MGMT: variants seen among roughly 807,000 people sequenced by gnomAD.
MGMT encodes O-6-methylguanine-DNA methyltransferase.
In MGMT, 14 loss-of-function variants were observed where a neutral mutation model predicts 15.9. That is an observed-to-expected ratio of 0.88 (90% confidence interval 0.58 to 1.37). MGMT has a LOEUF of 1.37. Among genes scored for constraint, MGMT ranks in the 40% most tolerant of loss-of-function variants. The pLI is 0.00. For missense variants in MGMT, 282 were observed against 268.1 expected (o/e 1.05, Z -0.36); for synonymous variants, 130 against 118.2 (o/e 1.10, Z -0.65).
chr10:129,608,628 C>T (rs1032266909), intron 2 of MGMT, among the ~76,000 whole-genome samples: 5 of 152,206 alleles, frequency 3.3e-5, no homozygotes, highest in African/African-American at 7.2e-5. Context: ...ATACGCTCTT[C>T]GATTTAGTTT....
At chr10:129,716,928 C>T (rs1848305716) in intron 3 of MGMT, among the ~76,000 whole-genome samples, 1 of 152,136 alleles carries the variant, frequency 6.6e-6, no homozygotes, top group Admixed American at 6.5e-5. Flanking sequence ...TTTTAATATT[C>T]AACTGAGCAT....
chr10:129,561,877 A>G (rs1307635900), intron 2 of MGMT, among the ~76,000 whole-genome samples: 1 of 152,180 alleles, frequency 6.6e-6, no homozygotes, highest in Non-Finnish European at 1.5e-5. Context: ...CTTGTAAATG[A>G]TTTGTTGTTA....
At chr10:129,467,428 C>T (rs1845181250) in intron 1 of MGMT, 132 bp downstream of exon 1, 1 of 1,367,406 alleles carries the variant, frequency 7.3e-7, no homozygotes, top group South Asian at 1.7e-5. Context: ...CCACCCATCC[C>T]GGGCGAGCTC....
In MGMT at chr10:129,487,204, GCCCT is replaced by G. The variant is rs879298194; in HGVS notation, c.-13+19909_-13+19912del. 3.3e-3 allele frequency among the ~76,000 whole-genome samples: 502 copies of G among 152,174 alleles called. 4 individuals are homozygous for G. Among genetic ancestry groups the G allele is most frequent in the South Asian group, 0.011 (51 of 4,810 alleles). On this transcript the variant is annotated intron_variant, in intron 1 of 4. Coordinates refer to ENST00000651593, the MANE Select transcript of MGMT (RefSeq NM_002412.5). ...GACCTGCAGGTGGCTTGGATGGTTTGCCCTGCTCTCATGGGGGTCCACATGAGCA... is the reference window on the plus strand; with the variant it reads ...GACCTGCAGGTGGCTTGGATGGTTTGGCTCTCATGGGGGTCCACATGAGCA...
chr10:129,577,728 C>A (rs1846501902), intron 2 of MGMT, among the ~76,000 whole-genome samples: 1 of 152,152 alleles, frequency 6.6e-6, no homozygotes, highest in Non-Finnish European at 1.5e-5. Flanking sequence ...GCAAAAGAAA[C>A]CACCATCAGA....
At chr10:129,562,253 G>A (rs190601381) in intron 2 of MGMT, among the ~76,000 whole-genome samples, 1 of 152,326 alleles carries the variant, frequency 6.6e-6, no homozygotes, top group East Asian at 1.9e-4. Flanking sequence ...TCTCTTGATA[G>A]AGCGTTGAAA....
chr10:129,607,048 C>T (rs1211375998), intron 2 of MGMT, among the ~76,000 whole-genome samples: 1 of 152,136 alleles, frequency 6.6e-6, no homozygotes, highest in Non-Finnish European at 1.5e-5. Context: ...CCTATGGTAG[C>T]TTCACAAGAG....
chr10:129,534,106 TACAG>T (rs1219702153), intron 1 of MGMT, among the ~76,000 whole-genome samples: 1 of 152,170 alleles, frequency 6.6e-6, no homozygotes, highest in Non-Finnish European at 1.5e-5. Flanking sequence ...TGATTTATCC[TACAG>T]ACAAAGACAG....
intron 1 of MGMT, among the ~76,000 whole-genome samples, chr10:129,498,113 T>C (rs966457196): frequency 6.6e-6 from 1 of 152,242 alleles, no homozygotes; most frequent in African/African-American, 2.4e-5. Flanking sequence ...TTGGGTTTGC[T>C]GATGTTGTCT....
chr10:129,529,372 G>A (rs932188029), intron 1 of MGMT, among the ~76,000 whole-genome samples: 1 of 152,104 alleles, frequency 6.6e-6, no homozygotes, highest in Non-Finnish European at 1.5e-5. Flanking sequence ...TTCCACCTCA[G>A]ATCACCAGGC....
intron 2 of MGMT, chr10:129,537,102 G>A (rs747765056): frequency 3.3e-5 from 5 of 151,062 alleles, no homozygotes; most frequent in Non-Finnish European, 5.9e-5. Flanking sequence ...AATTTCCTCC[G>A]TTCATTCTAT....
At chr10:129,757,045 T>C (rs1408174373) in intron 3 of MGMT, among the ~76,000 whole-genome samples, 10 of 152,218 alleles carry the variant, frequency 6.6e-5, no homozygotes, top group Non-Finnish European at 1.5e-5. Flanking sequence ...CTGCATTCGT[T>C]CGCTGCAGGG....
chr10:129,485,393 C>T (rs1210115621), intron 1 of MGMT, among the ~76,000 whole-genome samples: 2 of 152,334 alleles, frequency 1.3e-5, no homozygotes, highest in African/African-American at 2.4e-5. Context: ...TGCATCCAGC[C>T]GTTCTCTGGC....
chr10:129,636,561 A>T (rs1847267191), intron 2 of MGMT, among the ~76,000 whole-genome samples: 1 of 152,302 alleles, frequency 6.6e-6, no homozygotes, highest in African/African-American at 2.4e-5. Context: ...CCTTTAATAC[A>T]GTTTTGAATA....
intron 2 of MGMT, among the ~76,000 whole-genome samples, chr10:129,562,970 C>T (rs1364602331): frequency 6.6e-6 from 1 of 152,148 alleles, no homozygotes; most frequent in Non-Finnish European, 1.5e-5. Flanking sequence ...ACCACAAGTG[C>T]CCGTGCCACC....
At chr10:129,631,428 TTTACA>T (rs1380382927) in intron 2 of MGMT, among the ~76,000 whole-genome samples, 3 of 152,250 alleles carry the variant, frequency 2.0e-5, no homozygotes, top group Non-Finnish European at 4.4e-5. Context: ...TTCAGGGTTG[TTTACA>T]TTAATAACAA....
chr10:129,666,222 T>C (rs529039241), intron 2 of MGMT, among the ~76,000 whole-genome samples: 98 of 152,332 alleles, frequency 6.4e-4, no homozygotes, highest in African/African-American at 2.3e-3. Flanking sequence ...TTTAACTATT[T>C]CAGTGTTCTA....
At chr10:129,687,851 C>T (rs188304073) in intron 2 of MGMT, among the ~76,000 whole-genome samples, 2,408 of 152,064 alleles carry the variant, frequency 0.016, 35 homozygotes, top group Middle Eastern at 0.024. Context: ...TCCCCCAGCC[C>T]CCCACCCCAC....
At chr10:129,599,486 C>T (rs1846791970) in intron 2 of MGMT, among the ~76,000 whole-genome samples, 1 of 152,206 alleles carries the variant, frequency 6.6e-6, no homozygotes, top group Non-Finnish European at 1.5e-5. Flanking sequence ...TTGTCTTGCG[C>T]ATTTATCATC....
Sources: gnomAD v4.1 joint callset for allele counts (sites outside exome capture counted in the v4.1 genomes callset) on GRCh38, gnomAD v4.1.1 for gene constraint, MANE v1.5 for transcripts, NCBI Gene and HGNC (gene_info 2026-07-23, HGNC 2026-07-21) for gene names.